EXOC6B: variants seen among roughly 807,000 people sequenced by gnomAD.
EXOC6B encodes the protein SEC15 homolog B.
EXOC6B carries 54 observed loss-of-function variants against 113.5 expected under a neutral mutation model. The observed-to-expected ratio is 0.48, with a 90% CI of 0.38 to 0.60. EXOC6B has a LOEUF of 0.60. EXOC6B is among the 20% of genes least tolerant of loss of function. The pLI is 0.00. For missense variants in EXOC6B, 797 were observed against 977.5 expected (o/e 0.82, Z 2.46); for synonymous variants, 357 against 339.0 (o/e 1.05, Z -0.58).
chr2:72,600,036 A>C (rs1670313263), intron 6 of EXOC6B, among the ~76,000 whole-genome samples: 1 of 152,218 alleles, frequency 6.6e-6, no homozygotes, highest in Non-Finnish European at 1.5e-5. Flanking sequence ...GACTATTGAC[A>C]AACTGATTCT....
intron 6 of EXOC6B, among the ~76,000 whole-genome samples, chr2:72,695,771 A>C (rs1193006062): frequency 6.6e-6 from 1 of 152,174 alleles, no homozygotes; most frequent in Non-Finnish European, 1.5e-5. Flanking sequence ...AGAATAAAAA[A>C]AAATTATCTT....
intron 19 of EXOC6B, among the ~76,000 whole-genome samples, chr2:72,370,513 T>A (rs1291349137): frequency 6.6e-6 from 1 of 152,150 alleles, no homozygotes; most frequent in African/African-American, 2.4e-5. Context: ...CATTGCTGGG[T>A]ATATACCCAA....
chr2:72,611,272 G>A (rs868480045), intron 6 of EXOC6B, among the ~76,000 whole-genome samples: 24 of 151,802 alleles, frequency 1.6e-4, no homozygotes, highest in African/African-American at 4.1e-4. Context: ...GCTGAGGCAC[G>A]AGAATCACTT....
intron 6 of EXOC6B, among the ~76,000 whole-genome samples, chr2:72,681,341 C>A (rs4852889): frequency 0.61 from 93,073 of 152,060 alleles, 34,731 homozygotes; most frequent in East Asian, 0.99. Context: ...TGTGAGCACA[C>A]CAAAACTCTA....
chr2:72,552,233 C>T (rs1347601943), intron 8 of EXOC6B, among the ~76,000 whole-genome samples: 1 of 152,178 alleles, frequency 6.6e-6, no homozygotes, highest in Non-Finnish European at 1.5e-5. Flanking sequence ...ATGAGGCTTA[C>T]TCTTAACCTT....
At chr2:72,568,959 C>CA (rs1245621112) in intron 7 of EXOC6B, among the ~76,000 whole-genome samples, 3,719 of 135,404 alleles carry the variant, frequency 0.027, 154 homozygotes, top group African/African-American at 0.11. Flanking sequence ...ACTATCACCA[C>CA]AAAAAAAAAA....
chr2:72,202,751 C>G (rs547830788), intron 20 of EXOC6B, among the ~76,000 whole-genome samples: 12 of 152,336 alleles, frequency 7.9e-5, no homozygotes, highest in African/African-American at 2.9e-4. Context: ...GTCTCCTTGA[C>G]TAGTCCTTCT....
intron 1 of EXOC6B, among the ~76,000 whole-genome samples, chr2:72,784,608 C>T (rs550392259): frequency 3.9e-5 from 6 of 152,188 alleles, no homozygotes; most frequent in Admixed American, 6.5e-5. Context: ...GAAGCAAAAG[C>T]GGAAACCCCT....
chr2:72,796,460 A>G (rs1010911618), intron 1 of EXOC6B, among the ~76,000 whole-genome samples: 2 of 151,916 alleles, frequency 1.3e-5, no homozygotes, highest in African/African-American at 4.8e-5. Flanking sequence ...CTCCAAAAAA[A>G]AAAAAAAAAA....
chr2:72,650,949 T>C (rs1674126342), intron 6 of EXOC6B, among the ~76,000 whole-genome samples: 1 of 151,278 alleles, frequency 6.6e-6, no homozygotes, highest in Non-Finnish European at 1.5e-5. Context: ...ATCACACCAC[T>C]GCACTCCAGC....
chr2:72,667,046 G>T (rs1675449290), intron 6 of EXOC6B, among the ~76,000 whole-genome samples: 1 of 151,982 alleles, frequency 6.6e-6, no homozygotes. Flanking sequence ...TGTATTTTTA[G>T]TAGAGATGGG....
chr2:72,274,994 G>A lies in EXOC6B; in HGVS notation c.2196+59953C>T, dbSNP rs1351735723. ...TGCAGAGTTCTTTTTTATTCAGTGT[G>A]ACAAAGGGATGAGATGGATTTTTTT... On this transcript the variant is annotated intron_variant, in intron 20 of 21. Transcript: ENST00000272427. Among the ~76,000 whole-genome samples, 7 of 152,256 alleles carry A rather than the reference G, an allele frequency of 4.6e-5. No individual in the cohort carries two copies. The East Asian group carries it at 1.4e-3, about 29-fold the overall frequency.
chr2:72,746,412 TA>T (rs1681698914), intron 1 of EXOC6B, among the ~76,000 whole-genome samples: 1 of 152,008 alleles, frequency 6.6e-6, no homozygotes, highest in African/African-American at 2.4e-5. Context: ...AACCCCCAAA[TA>T]AACCACCGGT....
At chr2:72,266,881 C>A (rs563246923) in intron 20 of EXOC6B, among the ~76,000 whole-genome samples, 1 of 152,276 alleles carries the variant, frequency 6.6e-6, no homozygotes, top group East Asian at 1.9e-4. Flanking sequence ...ATTCTTCCTA[C>A]CCATGAGCAT....
intron 6 of EXOC6B, among the ~76,000 whole-genome samples, chr2:72,682,535 T>C (rs1448345291): frequency 3.3e-5 from 5 of 152,128 alleles, no homozygotes; most frequent in Non-Finnish European, 7.4e-5. Context: ...ATGTTTCAAA[T>C]GAATTTCGAA....
intron 6 of EXOC6B, among the ~76,000 whole-genome samples, chr2:72,635,091 T>C (rs918698459): frequency 6.6e-6 from 1 of 152,106 alleles, no homozygotes; most frequent in Non-Finnish European, 1.5e-5. Context: ...TAGCACTACA[T>C]GTATATACAT....
chr2:72,809,750 G>A (rs374581600), intron 1 of EXOC6B, among the ~76,000 whole-genome samples: 4 of 151,712 alleles, frequency 2.6e-5, no homozygotes, highest in Admixed American at 6.6e-5. Context: ...GAAGCAAAAC[G>A]GATAAATCTG....
At chr2:72,407,331 C>T (rs532614434) in intron 18 of EXOC6B, among the ~76,000 whole-genome samples, 22 of 152,156 alleles carry the variant, frequency 1.4e-4, no homozygotes, top group South Asian at 2.1e-4. Context: ...TTCCAATCAA[C>T]AGAAAAAGAG....
chr2:72,216,886 C>CAAAACACAAA (rs1680568936), intron 20 of EXOC6B, among the ~76,000 whole-genome samples: 1 of 151,948 alleles, frequency 6.6e-6, no homozygotes, highest in African/African-American at 2.4e-5. Context: ...GAACAAAACA[C>CAAAACACAAA]ACCGGGGCCT....
Sources: gnomAD v4.1 joint callset for allele counts (sites outside exome capture counted in the v4.1 genomes callset) on GRCh38, gnomAD v4.1.1 for gene constraint, MANE v1.5 for transcripts, NCBI Gene and HGNC (gene_info 2026-07-23, HGNC 2026-07-21) for gene names.